FARP1: variants seen among roughly 807,000 people sequenced by gnomAD.
The protein encoded by FARP1 is FERM, ARHGEF and pleckstrin domain-containing protein 1.
FARP1 carries 52 observed loss-of-function variants against 128.8 expected under a neutral mutation model. The ratio of observed to expected loss-of-function variants is 0.40; its 90% CI spans 0.32 to 0.51. FARP1 has a LOEUF of 0.51. Ranked by LOEUF, FARP1 falls within the 20% of genes least tolerant of loss-of-function variation. FARP1 has a pLI of 0.45. For synonymous variants in FARP1, 580 were observed against 551.8 expected (o/e 1.05, Z -0.72); for missense variants, 1,333 against 1,367.9 (o/e 0.97, Z 0.40).
In FARP1 at chr13:98,176,101, A is replaced by T; in HGVS notation, c.-24+32609A>T. The stretch of plus-strand genomic sequence containing the variant: ...GGCATGGGATTGCAGGAAGACTGTC[A>T]TCTCTCTCATCTTACTCAACAGGCT... On this transcript the variant is annotated intron_variant, in intron 1 of 26. Transcript: ENST00000319562. This position sits in a 1 kb window ranked among gnomAD's most constrained non-coding sequence, Gnocchi z 6.2. 7.2e-7 allele frequency: 1 copy of T among 1,397,800 alleles called. No individual in the cohort carries two copies. The highest frequency in any genetic ancestry group is 1.0e-6 in the Non-Finnish European group (1 of 993,664). The allele number at this position is 1,397,800 out of a possible 1,614,324, so 86.6% of individuals were successfully genotyped here.
At chr13:98,161,519 T>C (rs1876883607) in intron 1 of FARP1, among the ~76,000 whole-genome samples, 1 of 151,946 alleles carries the variant, frequency 6.6e-6, no homozygotes. Context: ...GCTCGGCAGC[T>C]TCAGTAGTCT....
chr13:98,248,397 A>G (rs150555770), intron 2 of FARP1, among the ~76,000 whole-genome samples: 12 of 152,284 alleles, frequency 7.9e-5, no homozygotes, highest in Admixed American at 1.3e-4. Flanking sequence ...GGCTTCCCCA[A>G]GGTATTTTCC....
At chr13:98,317,667 G>A (rs1886781177) in intron 2 of FARP1, among the ~76,000 whole-genome samples, 1 of 152,294 alleles carries the variant, frequency 6.6e-6, no homozygotes, top group East Asian at 1.9e-4. Context: ...TACCACTTAG[G>A]TGGGGCTGTC....
chr13:98,255,417 C>CAT (rs1883536788), intron 2 of FARP1, among the ~76,000 whole-genome samples: 1 of 152,016 alleles, frequency 6.6e-6, no homozygotes. Context: ...AGGAGAATGG[C>CAT]GTGAACCCAG....
At chr13:98,351,962 C>T (rs1422094904) in intron 3 of FARP1, among the ~76,000 whole-genome samples, 1 of 152,088 alleles carries the variant, frequency 6.6e-6, no homozygotes, top group African/African-American at 2.4e-5. Context: ...AATACCCAAA[C>T]CATATCAGTG....
At chr13:98,172,134 G>A (rs534046310) in intron 1 of FARP1, among the ~76,000 whole-genome samples, 59 of 152,156 alleles carry the variant, frequency 3.9e-4, no homozygotes, top group African/African-American at 1.3e-3. Flanking sequence ...TTTGTTGGGC[G>A]GGGTGGGGAA....
intron 14 of FARP1, 43 bp from the exon 15 acceptor site, chr13:98,410,690 CA>C: frequency 1.9e-6 from 2 of 1,054,812 alleles, no homozygotes; most frequent in Non-Finnish European, 1.5e-6. Flanking sequence ...GACGCATACT[CA>C]AAAATGATTA....
At chr13:98,272,737 G>A (rs1275779594) in intron 2 of FARP1, among the ~76,000 whole-genome samples, 1 of 152,188 alleles carries the variant, frequency 6.6e-6, no homozygotes, top group African/African-American at 2.4e-5. Flanking sequence ...TGCCATGGTT[G>A]CTACCCTGGC....
intron 3 of FARP1, among the ~76,000 whole-genome samples, chr13:98,355,682 T>A (rs1448044774): frequency 1.3e-5 from 2 of 152,358 alleles, no homozygotes; most frequent in Admixed American, 6.5e-5. Flanking sequence ...AACATATTTT[T>A]AAAAATTTTC....
intron 19 of FARP1, among the ~76,000 whole-genome samples, chr13:98,437,034 G>C (rs1384784082): frequency 2.0e-5 from 3 of 152,184 alleles, no homozygotes; most frequent in Non-Finnish European, 2.9e-5. Flanking sequence ...TGCACATGGA[G>C]ACCATGGCCT....
chr13:98,209,215 G>A (rs529035693), intron 1 of FARP1, among the ~76,000 whole-genome samples: 5 of 151,926 alleles, frequency 3.3e-5, no homozygotes, highest in Admixed American at 6.6e-5. Context: ...TCGCCGTGTT[G>A]TCCAGGATGG....
rs139183577 is a variant in FARP1, at chr13:98,409,518, G to A, written c.1595G>A (p.Arg532Gln). 1.0e-4 allele frequency: 163 copies of A among 1,609,110 alleles called. No individual in the cohort carries two copies. Among genetic ancestry groups the A allele is most frequent in the Non-Finnish European group, 1.2e-4 (145 of 1,177,220 alleles). The change falls in exon 14 of 27, where the codon CGG becomes CAG. Residue 532 changes from arginine to glutamine, a missense_variant. Transcript: ENST00000319562. ...CGGACGGACGATGAGGATGAGGGCC[G>A]GAGGAAGGTACAGGGCCGAGGGCTC... ...CPRTDDEDEG[R>Q]RKRFPTDKAY...
intron 2 of FARP1, among the ~76,000 whole-genome samples, chr13:98,266,791 C>T (rs1001702193): frequency 1.3e-5 from 2 of 152,102 alleles, no homozygotes; most frequent in African/African-American, 4.8e-5. Context: ...GTGGGTGGAT[C>T]GCTTGAGGTC....
chr13:98,295,560 C>T (rs573280775), intron 2 of FARP1, among the ~76,000 whole-genome samples: 1 of 152,210 alleles, frequency 6.6e-6, no homozygotes, highest in Non-Finnish European at 1.5e-5. Flanking sequence ...GTCCCCCTCT[C>T]CTCCCCCATG....
At chr13:98,351,597 G>A (rs543955449) in intron 3 of FARP1, among the ~76,000 whole-genome samples, 9 of 141,068 alleles carry the variant, frequency 6.4e-5, no homozygotes, top group Non-Finnish European at 1.2e-4. Context: ...GGGCAACAAA[G>A]CAAGACTCCA....
rs1886465785 is a variant in FARP1 at position 98,311,689 on chromosome 13, A to C, written c.172-32073A>C. Among the ~76,000 whole-genome samples, 6 of 152,262 alleles carry C rather than the reference A, an allele frequency of 3.9e-5. No individual in the cohort carries two copies. In the South Asian group the frequency reaches 1.2e-3, roughly 32 times the overall value. On this transcript the variant is annotated intron_variant, in intron 2 of 26. Coordinates refer to ENST00000319562, the MANE Select transcript of FARP1 (RefSeq NM_005766.4). ...CTTTAAAAATCTTATCCTTCTGGAGAAACTTTAAATAAAGTAAGAGCCTTT... is the reference window on the plus strand; with the variant it reads ...CTTTAAAAATCTTATCCTTCTGGAGCAACTTTAAATAAAGTAAGAGCCTTT...
chr13:98,410,678 G>T, intron 14 of FARP1, 56 bp from the exon 15 acceptor site: 1 of 828,228 alleles, frequency 1.2e-6, no homozygotes, highest in Non-Finnish European at 2.0e-6. Context: ...GACATTCTCC[G>T]AGACGCATAC....
chr13:98,354,560 G>A (rs1888566151), intron 3 of FARP1, among the ~76,000 whole-genome samples: 1 of 152,172 alleles, frequency 6.6e-6, no homozygotes, highest in African/African-American at 2.4e-5. Flanking sequence ...TTTGAAAAAA[G>A]AAGTAGCTGA....
At position 98,213,552 on chromosome 13, in the gene FARP1, C is replaced by T. The variant is rs564313150; in HGVS notation, c.171+139C>T. The stretch of plus-strand genomic sequence containing the variant: ...GTTCAGCACCTCCCTCCCCGCCCCC[C>T]AATGGCCCCGCTGACCCGTTCTGGT... On this transcript the variant is annotated intron_variant, in intron 2 of 26. Transcript: ENST00000319562. 34 of 850,800 alleles carry T rather than the reference C, an allele frequency of 4.0e-5. 1 individual carries two copies. In the South Asian group the frequency reaches 5.6e-4, roughly 14 times the overall value. 52.7% of individuals were successfully genotyped at this position (850,800 alleles called of 1,614,324 possible). A position where few individuals can be genotyped will look rare whatever the true frequency, so the allele number is the denominator to read the frequency against.
Sources: gnomAD v4.1 joint callset for allele counts (sites outside exome capture counted in the v4.1 genomes callset) on GRCh38, gnomAD v4.1.1 for gene constraint, Gnocchi (gnomAD v3.1) non-coding constraint, MANE v1.5 for transcripts, NCBI Gene and HGNC (gene_info 2026-07-23, HGNC 2026-07-21) for gene names.